EYS: variants seen among roughly 807,000 people sequenced by gnomAD.
EYS encodes protein eyes shut homolog.
In EYS, 250 loss-of-function variants were observed where a neutral mutation model predicts 282.1. The ratio of observed to expected loss-of-function variants is 0.89; its 90% CI spans 0.80 to 0.98. The LOEUF (loss-of-function observed/expected upper bound fraction) is 0.98, where lower values mean the gene tolerates loss of function less well. Among genes scored for constraint, EYS ranks in the 50% least tolerant of loss-of-function variants. The probability of loss-of-function intolerance (pLI) is 0.00; values close to 1 mark genes in which losing one functional copy is unlikely to be tolerated. For missense variants in EYS, 4,016 were observed against 3,709.0 expected (o/e 1.08, Z -2.15); for synonymous variants, 1,355 against 1,282.9 (o/e 1.06, Z -1.20).
At chr6:63,855,808 A>G (rs1999579) in intron 36 of EYS, among the ~76,000 whole-genome samples, 131,903 of 152,212 alleles carry the variant, frequency 0.87, 57,536 homozygotes, top group Middle Eastern at 0.94. Flanking sequence ...CCCATGCAAA[A>G]CTTGCACATC....
chr6:64,312,534 G>A (rs1213622451), intron 29 of EYS, among the ~76,000 whole-genome samples: 1 of 152,170 alleles, frequency 6.6e-6, no homozygotes, highest in East Asian at 1.9e-4. Context: ...GCTCTGTTAA[G>A]GGACAGATTG....
chr6:64,663,531 G>C (rs974054127), intron 22 of EYS, among the ~76,000 whole-genome samples: 1 of 152,062 alleles, frequency 6.6e-6, no homozygotes, highest in Non-Finnish European at 1.5e-5. Context: ...TACATTCTTC[G>C]GATCATTGTC....
At chr6:65,178,385 C>T (rs1044475302) in intron 12 of EYS, among the ~76,000 whole-genome samples, 1 of 152,008 alleles carries the variant, frequency 6.6e-6, no homozygotes, top group Non-Finnish European at 1.5e-5. Flanking sequence ...ACCATGACAA[C>T]TTTGTCTAAT....
chr6:65,471,188 A>G (rs958009498), intron 5 of EYS, among the ~76,000 whole-genome samples: 27 of 150,292 alleles, frequency 1.8e-4, no homozygotes, highest in Non-Finnish European at 3.1e-4. Flanking sequence ...GAATGTTTAC[A>G]AAAGCACCAG....
chr6:65,105,343 G>A (rs2150185449), intron 12 of EYS, among the ~76,000 whole-genome samples: 1 of 151,808 alleles, frequency 6.6e-6, no homozygotes, highest in East Asian at 1.9e-4. Context: ...TGAGGAATAA[G>A]TAAGTGAAAA....
intron 12 of EYS, among the ~76,000 whole-genome samples, chr6:65,079,139 G>T (rs553395763): frequency 6.6e-6 from 1 of 152,068 alleles, no homozygotes; most frequent in African/African-American, 2.4e-5. Flanking sequence ...TAATTGATTT[G>T]ATTACTAAAG....
chr6:64,224,841 T>G (rs946703048), intron 31 of EYS, among the ~76,000 whole-genome samples: 1 of 152,122 alleles, frequency 6.6e-6, no homozygotes, highest in Non-Finnish European at 1.5e-5. Context: ...AATGATTTTT[T>G]TTTTGTGTTG....
rs990611240 is a variant in EYS at position 65,307,296 on chromosome 6, T to C, written c.1767-11177A>G. Among the ~76,000 whole-genome samples, 7 of 150,914 alleles carry C rather than the reference T, an allele frequency of 4.6e-5. No individual in the cohort carries two copies. The East Asian group carries it at 1.4e-3, about 30-fold the overall frequency. ...TCTGATCTCTGTCTATTAAATTCAG[T>C]AAGTTGGATCTGCCTTGTCATGGTT... On this transcript the variant is annotated intron_variant, in intron 11 of 42. Coordinates refer to ENST00000503581, the MANE Select transcript of EYS (RefSeq NM_001142800.2).
chr6:65,086,295 G>A lies in EYS; in HGVS notation c.2024-28568C>T, dbSNP rs181544957. Among the ~76,000 whole-genome samples the A allele has an allele frequency of 4.0e-5, 6 of 151,754 alleles. No individual in the cohort carries two copies. The East Asian group carries it at 9.7e-4, about 25-fold the overall frequency. On this transcript the variant is annotated intron_variant, in intron 12 of 42. Coordinates refer to ENST00000503581, the MANE Select transcript of EYS (RefSeq NM_001142800.2). ...TGTGCCATTGCACTCCAGCCTAAGC[G>A]TCAGAGTGAGACTCCATCTCAAAAA...
chr6:64,883,858 T>C (rs993491011), intron 19 of EYS, among the ~76,000 whole-genome samples: 1 of 137,540 alleles, frequency 7.3e-6, no homozygotes, highest in African/African-American at 2.7e-5. Context: ...GACTCTGTGA[T>C]AGTGTTTAAT....
intron 31 of EYS, among the ~76,000 whole-genome samples, chr6:64,094,587 G>A (rs1772510472): frequency 6.6e-6 from 1 of 152,070 alleles, no homozygotes; most frequent in African/African-American, 2.4e-5. Context: ...TATTTCTGTG[G>A]GATCTGTGGT....
At chr6:64,895,209 C>T (rs909772409) in intron 18 of EYS, among the ~76,000 whole-genome samples, 7 of 152,130 alleles carry the variant, frequency 4.6e-5, no homozygotes, top group Non-Finnish European at 1.0e-4. Context: ...TAAACAGGAT[C>T]TGATGCAAAT....
At chr6:65,479,864 T>A (rs80131035) in intron 5 of EYS, among the ~76,000 whole-genome samples, 3,535 of 152,004 alleles carry the variant, frequency 0.023, 97 homozygotes, top group African/African-American at 0.062. Flanking sequence ...TGGAAAAAAA[T>A]TTTAAAGTAT....
At chr6:64,839,093 ATCTTG>A (rs1051058951) in intron 19 of EYS, among the ~76,000 whole-genome samples, 1 of 152,014 alleles carries the variant, frequency 6.6e-6, no homozygotes, top group African/African-American at 2.4e-5. Context: ...GATGATTAAC[ATCTTG>A]TAATTAAAAA....
At chr6:65,549,553 G>GGGCT (rs1163338791) in intron 2 of EYS, among the ~76,000 whole-genome samples, 1 of 152,202 alleles carries the variant, frequency 6.6e-6, no homozygotes, top group Admixed American at 6.5e-5. Flanking sequence ...TGTATTCCTA[G>GGGCT]GGCTGTCTTT....
intron 22 of EYS, among the ~76,000 whole-genome samples, chr6:64,807,550 G>A (rs1452880008): frequency 6.6e-6 from 1 of 152,108 alleles, no homozygotes; most frequent in Non-Finnish European, 1.5e-5. Flanking sequence ...GAATGGCAAA[G>A]ACTTTGAAAA....
At chr6:65,377,002 C>A (rs1360714073) in intron 8 of EYS, among the ~76,000 whole-genome samples, 4 of 152,140 alleles carry the variant, frequency 2.6e-5, no homozygotes, top group Admixed American at 1.3e-4. Flanking sequence ...AGGACTTGAA[C>A]TCACCTCTGG....
rs75558061 is a variant in EYS at position 65,414,078 on chromosome 6, A to C, written c.863-8711T>G. Among the ~76,000 whole-genome samples the C allele has an allele frequency of 9.5e-3, 1,439 of 152,242 alleles. 62 individuals are homozygous for C. Among genetic ancestry groups the C allele is most frequent in the Admixed American group, 0.064 (974 of 15,284 alleles). ...TGCTGCTACCCCACAATAGATTCTC[A>C]ATAAATATTTGGTGAAAAAACAAGT... On this transcript the variant is annotated intron_variant, in intron 5 of 42. Transcript: ENST00000503581.
chr6:64,462,942 ATT>A (rs58373990), intron 26 of EYS, among the ~76,000 whole-genome samples: 3 of 105,930 alleles, frequency 2.8e-5, no homozygotes, highest in African/African-American at 7.0e-5. Context: ...CTCAGCTTTA[ATT>A]TTTTTTTTTT....
Sources: allele counts gnomAD v4.1 joint callset (sites outside exome capture counted in the v4.1 genomes callset), GRCh38; gene constraint gnomAD v4.1.1; transcripts MANE v1.5; gene names NCBI Gene and HGNC (gene_info 2026-07-23, HGNC 2026-07-21).